The following SLC35F3 variants were observed in gnomAD, a reference collection of about 807,000 sequenced individuals.
SLC35F3 encodes solute carrier family 35 member F3, also known as putative thiamine transporter SLC35F3.
In SLC35F3, 25 loss-of-function variants were observed where a neutral mutation model predicts 49.9. That is an observed-to-expected ratio of 0.50 (90% CI 0.37 to 0.70). SLC35F3 has a LOEUF of 0.70. SLC35F3 is among the 30% of genes least tolerant of loss of function. The pLI is 0.00. For synonymous variants in SLC35F3, 275 were observed against 265.4 expected (o/e 1.04, Z -0.35); for missense variants, 525 against 639.8 (o/e 0.82, Z 1.94).
intron 2 of SLC35F3, among the ~76,000 whole-genome samples, chr1:233,971,537 T>C (rs930245820): frequency 6.6e-6 from 1 of 152,154 alleles, no homozygotes; most frequent in Admixed American, 6.5e-5. Flanking sequence ...CCAGCCAACA[T>C]GGTGAAACCC....
At chr1:234,163,499 C>A (rs769850939) in intron 2 of SLC35F3, among the ~76,000 whole-genome samples, 1 of 152,132 alleles carries the variant, frequency 6.6e-6, no homozygotes, top group East Asian at 1.9e-4. Flanking sequence ...ACAGGTGACT[C>A]CAGCCCAGTG....
intron 2 of SLC35F3, among the ~76,000 whole-genome samples, chr1:233,917,333 G>A (rs1002785812): frequency 4.6e-5 from 7 of 152,132 alleles, no homozygotes; most frequent in African/African-American, 9.7e-5. Flanking sequence ...TAGCTACAGG[G>A]GGAGATACTT....
intron 2 of SLC35F3, among the ~76,000 whole-genome samples, chr1:233,977,747 T>C (rs1558194921): frequency 6.6e-6 from 1 of 152,190 alleles, no homozygotes; most frequent in African/African-American, 2.4e-5. Context: ...GATATTTGCT[T>C]ATTAAGTTGC....
intron 2 of SLC35F3, among the ~76,000 whole-genome samples, chr1:234,161,210 G>A (rs79249235): frequency 6.6e-5 from 10 of 152,284 alleles, no homozygotes; most frequent in Admixed American, 1.3e-4. Flanking sequence ...TTCACTTGTT[G>A]TCTCACTTAT....
intron 2 of SLC35F3, chr1:234,213,380 G>A (rs966238730): frequency 2.6e-5 from 4 of 152,358 alleles, no homozygotes; most frequent in Admixed American, 2.0e-4. Context: ...TGATGGCTGG[G>A]CATCTGTAAA....
At chr1:234,257,783 C>T (rs935973960) in intron 3 of SLC35F3, among the ~76,000 whole-genome samples, 7 of 152,066 alleles carry the variant, frequency 4.6e-5, no homozygotes, top group Non-Finnish European at 8.8e-5. Flanking sequence ...CAGTGGATGG[C>T]CGTATTGAGA....
chr1:234,117,954 GTGTGTGTGTGTATA>G (rs1234802438), intron 2 of SLC35F3, among the ~76,000 whole-genome samples: 2 of 25,226 alleles, frequency 7.9e-5, no homozygotes, highest in South Asian at 1.5e-3. Flanking sequence ...GTGTGTGTGT[GTGTGTGTGTGTATA>G]TATATATAAA....
intron 2 of SLC35F3, among the ~76,000 whole-genome samples, chr1:234,117,547 G>C (rs530787441): frequency 6.7e-6 from 1 of 150,164 alleles, no homozygotes; most frequent in African/African-American, 2.5e-5. Context: ...AGCCGAGATC[G>C]CACCATTGCA....
chr1:234,124,625 G>C (rs1665621079), intron 2 of SLC35F3, among the ~76,000 whole-genome samples: 1 of 152,182 alleles, frequency 6.6e-6, no homozygotes, highest in African/African-American at 2.4e-5. Flanking sequence ...CCAGTGCTTT[G>C]GGAGGCTGCG....
chr1:233,953,196 C>T (rs935049362), intron 2 of SLC35F3, among the ~76,000 whole-genome samples: 1 of 151,684 alleles, frequency 6.6e-6, no homozygotes, highest in Non-Finnish European at 1.5e-5. Context: ...CTCAAATAAG[C>T]TAATAATGAT....
At chr1:234,313,943 C>T (rs1657420368) in intron 4 of SLC35F3, among the ~76,000 whole-genome samples, 1 of 152,192 alleles carries the variant, frequency 6.6e-6, no homozygotes, top group South Asian at 2.1e-4. Context: ...GCTCTGCTCC[C>T]AAAGGCACAG....
intron 2 of SLC35F3, among the ~76,000 whole-genome samples, chr1:233,998,203 T>A (rs1215489941): frequency 6.6e-6 from 1 of 152,180 alleles, no homozygotes; most frequent in Non-Finnish European, 1.5e-5. Context: ...TCATTTAAAC[T>A]GCCCCTGTGG....
chr1:234,019,652 C>A (rs1008790058), intron 2 of SLC35F3, among the ~76,000 whole-genome samples: 48 of 152,036 alleles, frequency 3.2e-4, no homozygotes, highest in Non-Finnish European at 8.8e-5. Flanking sequence ...TTAGTCACAT[C>A]CAAAAAAATA....
intron 3 of SLC35F3, among the ~76,000 whole-genome samples, chr1:234,308,860 C>T (rs1011781742): frequency 2.6e-5 from 4 of 152,072 alleles, no homozygotes; most frequent in African/African-American, 9.7e-5. Context: ...ACCATAAATT[C>T]CAAGCTTAAC....
chr1:233,983,559 C>T (rs1265613424), intron 2 of SLC35F3, among the ~76,000 whole-genome samples: 3 of 152,222 alleles, frequency 2.0e-5, no homozygotes, highest in Non-Finnish European at 4.4e-5. Context: ...CTACCTTTTA[C>T]AGATAGAATT....
intron 2 of SLC35F3, among the ~76,000 whole-genome samples, chr1:233,925,145 A>T (rs1160298701): frequency 6.6e-6 from 1 of 152,146 alleles, no homozygotes; most frequent in Non-Finnish European, 1.5e-5. Flanking sequence ...GATGTCTATT[A>T]GGTCCTCTTG....
intron 3 of SLC35F3, among the ~76,000 whole-genome samples, chr1:234,241,175 C>A (rs760330039): frequency 5.3e-5 from 8 of 152,212 alleles, no homozygotes; most frequent in Non-Finnish European, 8.8e-5. Flanking sequence ...ATTGGAACGA[C>A]CACCCTGCCC....
rs535465319 is a variant in SLC35F3 at position 233,954,076 on chromosome 1, G to A, written c.283+48318G>A. ...GGCTGGAGTGCAGGGGCACAATCTC[G>A]GCTCACTGCAACCTCCACCTCCCGG... On this transcript the variant is annotated intron_variant, in intron 2 of 7. Transcript: ENST00000366618. Among the ~76,000 whole-genome samples the A allele has an allele frequency of 8.0e-5, 12 of 150,554 alleles. No individual in the cohort carries two copies. In the East Asian group the frequency reaches 1.4e-3, roughly 17 times the overall value.
At chr1:234,005,864 C>T (rs1299908920) in intron 2 of SLC35F3, among the ~76,000 whole-genome samples, 1 of 152,114 alleles carries the variant, frequency 6.6e-6, no homozygotes, top group Non-Finnish European at 1.5e-5. Flanking sequence ...AGGACTCTGG[C>T]CACAGAGACA....
Sources: allele counts gnomAD v4.1 joint callset (sites outside exome capture counted in the v4.1 genomes callset), GRCh38; gene constraint gnomAD v4.1.1; transcripts MANE v1.5; gene names NCBI Gene and HGNC (gene_info 2026-07-23, HGNC 2026-07-21).